The following CCDC192 variants were observed in gnomAD, a reference collection of about 807,000 sequenced individuals.
The protein encoded by CCDC192 is coiled-coil domain-containing protein 192.
At position 127,911,795 on chromosome 5, in the gene CCDC192, C is replaced by T. The variant is rs150287479; in HGVS notation, c.536-29387C>T. Among the ~76,000 whole-genome samples, 16 of 148,218 alleles carry T rather than the reference C, an allele frequency of 1.1e-4. 1 individual carries two copies. The South Asian group carries it at 3.2e-3, about 30-fold the overall frequency. On this transcript the variant is annotated intron_variant, in intron 6 of 6. Transcript: ENST00000514853. Reference sequence around the variant, plus strand: ...AATCATAGCTCTCTGCAGCCTTGAACTTCTGGGCTCAAGCAATCCTCTCAC... The same window carrying T: ...AATCATAGCTCTCTGCAGCCTTGAATTTCTGGGCTCAAGCAATCCTCTCAC...
chr5:127,901,674 G>A (rs13166824), intron 6 of CCDC192, among the ~76,000 whole-genome samples: 32,154 of 152,064 alleles, frequency 0.21, 3,543 homozygotes, highest in East Asian at 0.32. Flanking sequence ...CCTGCTCCCA[G>A]TCAGTCAGGG....
intron 3 of CCDC192, among the ~76,000 whole-genome samples, chr5:127,783,321 C>G (rs1756350891): frequency 6.6e-6 from 1 of 152,110 alleles, no homozygotes; most frequent in Non-Finnish European, 1.5e-5. Flanking sequence ...GGTTGTGTCA[C>G]TATTGTTGTT....
intron 2 of CCDC192, among the ~76,000 whole-genome samples, chr5:127,744,761 A>C (rs889038150): frequency 1.3e-5 from 2 of 152,198 alleles, no homozygotes; most frequent in Non-Finnish European, 2.9e-5. Context: ...GAGTCTTAAT[A>C]CCAAATTATT....
Position 127,752,530 on chromosome 5 carries a change from G to T in CCDC192, c.115-1738G>T, listed in dbSNP as rs528351612. 7.9e-5 allele frequency among the ~76,000 whole-genome samples: 12 copies of T among 152,332 alleles called. No homozygotes were observed. The South Asian group carries it at 2.5e-3, about 32-fold the overall frequency. On this transcript the variant is annotated intron_variant, in intron 2 of 6. Transcript: ENST00000514853. ...GCTCTCTTCAAAGCTGTCAGACAGGGACATTTAAGTCTGCAGAGGTTACTG... is the reference window on the plus strand; with the variant it reads ...GCTCTCTTCAAAGCTGTCAGACAGGTACATTTAAGTCTGCAGAGGTTACTG...
At chr5:127,860,110 T>C (rs1177195927) in intron 5 of CCDC192, among the ~76,000 whole-genome samples, 2 of 152,120 alleles carry the variant, frequency 1.3e-5, no homozygotes, top group East Asian at 3.9e-4. Flanking sequence ...ACCTCTGCGC[T>C]CCCAGATCAC....
intron 5 of CCDC192, among the ~76,000 whole-genome samples, chr5:127,872,390 C>T (rs573781011): frequency 2.0e-5 from 3 of 152,154 alleles, no homozygotes; most frequent in Non-Finnish European, 4.4e-5. Flanking sequence ...CTCACAAATA[C>T]CAGAATTATC....
At chr5:127,936,028 C>T (rs1054615193) in intron 6 of CCDC192, among the ~76,000 whole-genome samples, 5 of 152,074 alleles carry the variant, frequency 3.3e-5, no homozygotes, top group African/African-American at 9.7e-5. Flanking sequence ...CGCTTGAACC[C>T]GGGAGGCAGA....
chr5:127,926,031 CA>C (rs35955986), intron 6 of CCDC192, among the ~76,000 whole-genome samples: 1 of 151,906 alleles, frequency 6.6e-6, no homozygotes, highest in African/African-American at 2.4e-5. Flanking sequence ...GATTTATAGA[CA>C]AAAAAAGGGA....
At chr5:127,719,416 CAT>C (rs60520857) in intron 2 of CCDC192, among the ~76,000 whole-genome samples, 6,672 of 140,642 alleles carry the variant, frequency 0.047, 386 homozygotes, top group East Asian at 0.24. Flanking sequence ...TATATACATA[CAT>C]ATATATATAT....
chr5:127,762,831 TC>T (rs938397631), intron 3 of CCDC192, among the ~76,000 whole-genome samples: 3 of 152,368 alleles, frequency 2.0e-5, no homozygotes, highest in Non-Finnish European at 4.4e-5. Flanking sequence ...AAATGAACTT[TC>T]CCTTTGCTTA....
intron 6 of CCDC192, among the ~76,000 whole-genome samples, chr5:127,895,744 G>A (rs1752861861): frequency 6.6e-6 from 1 of 152,032 alleles, no homozygotes; most frequent in Non-Finnish European, 1.5e-5. Context: ...GGAGGCTGAG[G>A]TGGGGGTATG....
At chr5:127,858,753 A>G (rs1751219758) in intron 5 of CCDC192, among the ~76,000 whole-genome samples, 1 of 152,230 alleles carries the variant, frequency 6.6e-6, no homozygotes, top group Admixed American at 6.5e-5. Flanking sequence ...TCACTGTGTG[A>G]ACTCATATGA....
At position 127,815,056 on chromosome 5, in the gene CCDC192, CTCTT is replaced by C. The variant is rs373309524; in HGVS notation, c.411+16897_411+16900del. Among the ~76,000 whole-genome samples the C allele has an allele frequency of 3.2e-3, 492 of 152,216 alleles. 1 individual carries two copies. The highest frequency in any genetic ancestry group is 0.011 in the African/African-American group (460 of 41,538). On this transcript the variant is annotated intron_variant, in intron 5 of 6. Coordinates refer to ENST00000514853, the MANE Select transcript of CCDC192 (RefSeq NM_001317938.2). ...TAAATATTATGACAGAAGGATCTCTCTCTTTCAGCAATGACCATGTGTAGCCTTA... is the reference window on the plus strand; with the variant it reads ...TAAATATTATGACAGAAGGATCTCTCTCAGCAATGACCATGTGTAGCCTTA...
At chr5:127,867,015 C>T (rs1751641524) in intron 5 of CCDC192, among the ~76,000 whole-genome samples, 1 of 152,138 alleles carries the variant, frequency 6.6e-6, no homozygotes, top group South Asian at 2.1e-4. Context: ...GTTTTAAGGC[C>T]AGCTCTTGTA....
At chr5:127,894,975 G>A (rs987144466) in intron 6 of CCDC192, among the ~76,000 whole-genome samples, 2 of 152,170 alleles carry the variant, frequency 1.3e-5, no homozygotes, top group African/African-American at 4.8e-5. Context: ...GCAACTCTGG[G>A]CTGAATTTTT....
In CCDC192 at chr5:127,797,096, T is replaced by C; in HGVS notation, c.223-7T>C. 1 of 397,714 alleles carries C rather than the reference T, an allele frequency of 2.5e-6. No homozygotes were observed. 24.6% of individuals were successfully genotyped at this position (397,714 alleles called of 1,614,324 possible). A position where few individuals can be genotyped will look rare whatever the true frequency, so the allele number is the denominator to read the frequency against. On this transcript the variant is annotated splice_region_variant and splice_polypyrimidine_tract_variant and intron_variant, in intron 3 of 6. Coordinates refer to ENST00000514853, the MANE Select transcript of CCDC192 (RefSeq NM_001317938.2). ...CTTACATACTCTTATAAAGAAAATA[T>C]CTTTAGCTTTCAGTCTCTGAAGGAA... is the stretch of plus-strand genomic sequence containing the variant.
intron 5 of CCDC192, among the ~76,000 whole-genome samples, chr5:127,805,200 A>C (rs1175461679): frequency 6.6e-6 from 1 of 152,224 alleles, no homozygotes; most frequent in Non-Finnish European, 1.5e-5. Context: ...GTCACATAAC[A>C]ATATACAGCT....
At chr5:127,761,137 G>A (rs1003413038) in intron 3 of CCDC192, among the ~76,000 whole-genome samples, 1 of 152,180 alleles carries the variant, frequency 6.6e-6, no homozygotes, top group African/African-American at 2.4e-5. Flanking sequence ...GGCTTTGCAC[G>A]CTGTTCAAAG....
At position 127,786,335 on chromosome 5, in the gene CCDC192, C is replaced by T. The variant is rs1490284499; in HGVS notation, c.223-10768C>T. The stretch of plus-strand genomic sequence containing the variant: ...TCTGTGACATAAAATCTCTCTGTGA[C>T]AGAAAAAAAAAAGAGAGAGATTCAA... On this transcript the variant is annotated intron_variant, in intron 3 of 6. Transcript: ENST00000514853. 6.5e-6 allele frequency: 4 copies of T among 615,374 alleles called. No individual in the cohort carries two copies. In the South Asian group the frequency reaches 7.5e-5, roughly 11 times the overall value. 38.1% of individuals were successfully genotyped at this position (615,374 alleles called of 1,614,324 possible). A position where few individuals can be genotyped will look rare whatever the true frequency, so the allele number is the denominator to read the frequency against.
Sources: gnomAD v4.1 joint callset for allele counts (sites outside exome capture counted in the v4.1 genomes callset) on GRCh38, gnomAD v4.1.1 for gene constraint, MANE v1.5 for transcripts, NCBI Gene and HGNC (gene_info 2026-07-23, HGNC 2026-07-21) for gene names.